NEK7: variants seen among roughly 807,000 people sequenced by gnomAD.
NEK7 encodes the protein serine/threonine-protein kinase Nek7.
NEK7 carries 18 observed loss-of-function variants against 44.6 expected under a neutral mutation model. The observed-to-expected ratio is 0.40, with a 90% CI of 0.28 to 0.60. The LOEUF (loss-of-function observed/expected upper bound fraction) is 0.60, where lower values mean the gene tolerates loss of function less well. Ranked by LOEUF, NEK7 falls within the 20% of genes least tolerant of loss-of-function variation. The probability of loss-of-function intolerance (pLI) is 0.38; values close to 1 mark genes in which losing one functional copy is unlikely to be tolerated. For missense variants in NEK7, 256 were observed against 366.5 expected, an observed-to-expected ratio of 0.70 and a Z score of 2.46; for synonymous variants, 130 against 121.1, an observed-to-expected ratio of 1.07 and a Z score of -0.48.
At chr1:198,283,602 T>C (rs1654277926) in intron 7 of NEK7, among the ~76,000 whole-genome samples, 1 of 152,128 alleles carries the variant, frequency 6.6e-6, no homozygotes, top group Non-Finnish European at 1.5e-5. Flanking sequence ...AATTGTAGGA[T>C]ATTTTGACAT....
chr1:198,297,271 G>T, intron 9 of NEK7, 31 bp downstream of exon 9: 1 of 1,608,098 alleles, frequency 6.2e-7, no homozygotes, highest in Non-Finnish European at 8.5e-7. Context: ...ATGTTCTTCT[G>T]TTGTCCATTT....
At chr1:198,308,526 C>T (rs1050831527) in intron 9 of NEK7, among the ~76,000 whole-genome samples, 2 of 152,320 alleles carry the variant, frequency 1.3e-5, no homozygotes, top group African/African-American at 4.8e-5. Context: ...CTGATGAATG[C>T]TATTTCTTGC....
chr1:198,183,050 C>A (rs1664813543), intron 1 of NEK7, among the ~76,000 whole-genome samples: 1 of 152,116 alleles, frequency 6.6e-6, no homozygotes, highest in Admixed American at 6.6e-5. Context: ...AATAGGATTT[C>A]TGAAACTCAA....
chr1:198,291,498 C>G (rs756482779), intron 7 of NEK7, among the ~76,000 whole-genome samples: 3 of 114,240 alleles, frequency 2.6e-5, no homozygotes, highest in Non-Finnish European at 3.7e-5. Flanking sequence ...TTTTCTGACA[C>G]TATAGAAATT....
intron 5 of NEK7, among the ~76,000 whole-genome samples, chr1:198,273,676 TA>T (rs1177561425): frequency 6.6e-6 from 1 of 151,838 alleles, no homozygotes; most frequent in Admixed American, 6.6e-5. Context: ...CATCTCATGT[TA>T]AGACCTTTTA....
rs1558111562 is a variant in NEK7, at chr1:198,321,787, C to T, written c.*2265C>T. ...AGAACTATGAAGATGATTTGAAGCT[C>T]TAATTTATATAGTCACCTATAAAAT... On this transcript the variant is annotated 3_prime_UTR_variant, in exon 10 of 10. Transcript: ENST00000367385. 6.6e-6 allele frequency: 1 copy of T among 152,048 alleles called. No individual in the cohort carries two copies. Among genetic ancestry groups the T allele is most frequent in the Non-Finnish European group, 1.5e-5 (1 of 67,966 alleles). 9.4% of individuals were successfully genotyped at this position (152,048 alleles called of 1,614,324 possible). A position where few individuals can be genotyped will look rare whatever the true frequency, so the allele number is the denominator to read the frequency against.
At chr1:198,207,593 T>C (rs12058769) in intron 1 of NEK7, among the ~76,000 whole-genome samples, 51,177 of 151,990 alleles carry the variant, frequency 0.34, 9,847 homozygotes, top group East Asian at 0.8. Context: ...AAAGAAGTCA[T>C]ATTCAAAAGG....
chr1:198,195,030 TTGAC>T (rs889323506), intron 1 of NEK7, among the ~76,000 whole-genome samples: 7 of 152,170 alleles, frequency 4.6e-5, no homozygotes, highest in Admixed American at 1.3e-4. Flanking sequence ...AGTAGCCACT[TTGAC>T]TGGTGTGAGA....
At chr1:198,289,139 G>A (rs552450934) in intron 7 of NEK7, among the ~76,000 whole-genome samples, 11,332 of 112,468 alleles carry the variant, frequency 0.1, 517 homozygotes, top group East Asian at 0.2. Context: ...AGTTGTGTGT[G>A]TGTGTGTGTG....
At position 198,209,773 on chromosome 1, in the gene NEK7, A is replaced by C. The variant is rs538158197; in HGVS notation, c.-28-22780A>C. Among the ~76,000 whole-genome samples the C allele has an allele frequency of 2.2e-4, 33 of 148,474 alleles. No individual in the cohort carries two copies. In the East Asian group the frequency reaches 6.3e-3, roughly 28 times the overall value. ...GCCTTGGCCTTCCAAAGTGCCTGGGATTACAGGTATGAGCTACCATGCTGG... is the reference window on the plus strand; with the variant it reads ...GCCTTGGCCTTCCAAAGTGCCTGGGCTTACAGGTATGAGCTACCATGCTGG... On this transcript the variant is annotated intron_variant, in intron 1 of 9. Coordinates refer to ENST00000367385, the MANE Select transcript of NEK7 (RefSeq NM_133494.3).
At chr1:198,244,994 C>T (rs901607005) in intron 2 of NEK7, among the ~76,000 whole-genome samples, 2 of 152,098 alleles carry the variant, frequency 1.3e-5, no homozygotes, top group African/African-American at 4.8e-5. Flanking sequence ...TGACTAGAAG[C>T]CTTACTGATA....
At chr1:198,256,470 GT>G in intron 3 of NEK7, 8 of 1,593,698 alleles carry the variant, frequency 5.0e-6, no homozygotes, top group Non-Finnish European at 6.8e-6. Flanking sequence ...TCCCATCATG[GT>G]TCATTTGCAA....
At chr1:198,261,865 A>G (rs1304180773) in intron 3 of NEK7, among the ~76,000 whole-genome samples, 1 of 151,776 alleles carries the variant, frequency 6.6e-6, no homozygotes, top group Non-Finnish European at 1.5e-5. Context: ...ATTTCTTCCT[A>G]ATTACCTCTA....
At chr1:198,301,717 A>G (rs1396043510) in intron 9 of NEK7, among the ~76,000 whole-genome samples, 1 of 152,204 alleles carries the variant, frequency 6.6e-6, no homozygotes, top group African/African-American at 2.4e-5. Flanking sequence ...AAATTGAGTA[A>G]AGATAAATTG....
chr1:198,293,168 T>A, intron 8 of NEK7, 129 bp downstream of exon 8: 2 of 568,706 alleles, frequency 3.5e-6, no homozygotes, highest in Non-Finnish European at 6.2e-6. Context: ...AGAATTTTCG[T>A]TGGGTTAATA....
intron 2 of NEK7, among the ~76,000 whole-genome samples, chr1:198,243,951 G>A (rs1399038067): frequency 5.5e-5 from 8 of 146,180 alleles, no homozygotes; most frequent in Non-Finnish European, 1.1e-4. Context: ...TATGACAGGA[G>A]GTCTATAGAA....
chr1:198,295,961 T>C (rs985886615), intron 8 of NEK7, among the ~76,000 whole-genome samples: 2 of 152,152 alleles, frequency 1.3e-5, no homozygotes, highest in Admixed American at 1.3e-4. Context: ...TATAGTTGTG[T>C]GCACGTTTTA....
intron 9 of NEK7, among the ~76,000 whole-genome samples, chr1:198,319,122 A>G (rs1325452557): frequency 1.3e-5 from 2 of 152,180 alleles, no homozygotes; most frequent in African/African-American, 2.4e-5. Flanking sequence ...AGTGACTGCT[A>G]TCTTCTGATT....
At chr1:198,318,798 A>G (rs574885827) in intron 9 of NEK7, among the ~76,000 whole-genome samples, 4 of 152,224 alleles carry the variant, frequency 2.6e-5, no homozygotes, top group Admixed American at 2.6e-4. Context: ...AAAATAGTAA[A>G]CCTCAACTCT....
Sources: gnomAD v4.1 joint callset for allele counts (sites outside exome capture counted in the v4.1 genomes callset) on GRCh38, gnomAD v4.1.1 for gene constraint, MANE v1.5 for transcripts, NCBI Gene and HGNC (gene_info 2026-07-23, HGNC 2026-07-21) for gene names.